LRBA: variants seen among roughly 807,000 people sequenced by gnomAD.
LRBA encodes LPS responsive beige-like anchor protein, also known as lipopolysaccharide-responsive and beige-like anchor protein.
LRBA carries 176 observed loss-of-function variants against 330.0 expected under a neutral mutation model. The observed-to-expected ratio is 0.53, with a 90% CI of 0.47 to 0.60. The LOEUF (loss-of-function observed/expected upper bound fraction) is 0.60, where lower values mean the gene tolerates loss of function less well. Among genes scored for constraint, LRBA ranks in the 20% least tolerant of loss-of-function variants. The probability of loss-of-function intolerance (pLI) is 0.00; values close to 1 mark genes in which losing one functional copy is unlikely to be tolerated. For missense variants in LRBA, 3,259 were observed against 3,444.8 expected (o/e 0.95, Z 1.35); for synonymous variants, 1,230 against 1,193.0 (o/e 1.03, Z -0.64).
At chr4:150,267,484 GA>G (rs1453029087) in intron 56 of LRBA, among the ~76,000 whole-genome samples, 4 of 151,946 alleles carry the variant, frequency 2.6e-5, no homozygotes, top group Non-Finnish European at 2.9e-5. Flanking sequence ...AAATGAAAAG[GA>G]AATACAACAA....
At chr4:150,506,003 T>C (rs1401083642) in intron 40 of LRBA, among the ~76,000 whole-genome samples, 3 of 152,162 alleles carry the variant, frequency 2.0e-5, no homozygotes, top group Non-Finnish European at 4.4e-5. Context: ...CCTCGACACA[T>C]ACATCCTCCC....
At chr4:150,531,456 C>T (rs914752155) in intron 40 of LRBA, among the ~76,000 whole-genome samples, 2 of 152,184 alleles carry the variant, frequency 1.3e-5, no homozygotes, top group African/African-American at 4.8e-5. Context: ...ATTGAAGAGA[C>T]ATTATTGCTT....
At chr4:150,775,479 ACACACACAC>A (rs1737161815) in intron 34 of LRBA, among the ~76,000 whole-genome samples, 2 of 151,230 alleles carry the variant, frequency 1.3e-5, no homozygotes, top group Admixed American at 1.3e-4. Flanking sequence ...ACACACACAC[ACACACACAC>A]ACACACACAC....
intron 40 of LRBA, among the ~76,000 whole-genome samples, chr4:150,515,042 T>C (rs1000820756): frequency 1.3e-5 from 2 of 152,194 alleles, no homozygotes; most frequent in African/African-American, 4.8e-5. Flanking sequence ...CCATAATTCA[T>C]TTATTAAGCC....
intron 35 of LRBA, among the ~76,000 whole-genome samples, chr4:150,759,229 T>C (rs894044810): frequency 6.6e-6 from 1 of 152,164 alleles, no homozygotes; most frequent in Non-Finnish European, 1.5e-5. Flanking sequence ...AGTGATCTTT[T>C]TAATCCATAA....
intron 36 of LRBA, among the ~76,000 whole-genome samples, chr4:150,722,281 C>CT (rs1326482909): frequency 6.6e-6 from 1 of 152,038 alleles, no homozygotes; most frequent in African/African-American, 2.4e-5. Context: ...CATGGAAGAA[C>CT]TTTAAGTTTA....
intron 22 of LRBA, among the ~76,000 whole-genome samples, chr4:150,863,675 T>C (rs1449797295): frequency 4.6e-5 from 7 of 152,162 alleles, no homozygotes; most frequent in Non-Finnish European, 1.5e-5. Flanking sequence ...CTTACACAGC[T>C]AATAATTACT....
intron 40 of LRBA, among the ~76,000 whole-genome samples, chr4:150,531,982 T>A (rs1366013355): frequency 1.3e-5 from 2 of 152,200 alleles, no homozygotes; most frequent in African/African-American, 4.8e-5. Flanking sequence ...CTTGTTAGTT[T>A]TAGCTCAGTT....
intron 2 of LRBA, among the ~76,000 whole-genome samples, chr4:150,971,173 T>C (rs957932133): frequency 1.3e-5 from 2 of 152,268 alleles, no homozygotes; most frequent in Admixed American, 1.3e-4. Flanking sequence ...GTATTAGTTA[T>C]GGTTGCTACT....
At chr4:150,424,298 A>G (rs182124426) in intron 46 of LRBA, among the ~76,000 whole-genome samples, 23 of 152,346 alleles carry the variant, frequency 1.5e-4, no homozygotes, top group Middle Eastern at 3.4e-3. Flanking sequence ...AAAATGGCAT[A>G]TAACAAAACC....
In LRBA at chr4:150,996,916, G is replaced by A. The variant is rs116033697; in HGVS notation, c.216+17511C>T. On this transcript the variant is annotated intron_variant, in intron 2 of 56. Transcript: ENST00000651943. ...GTACTGCCCCATGGAGTTGTTACAT[G>A]GAAAAAATAAAATAATCCCGTAAAA... is the stretch of plus-strand genomic sequence containing the variant. 4.1e-3 allele frequency among the ~76,000 whole-genome samples: 622 copies of A among 152,080 alleles called. 6 individuals are homozygous for A. Among genetic ancestry groups the A allele is most frequent in the African/African-American group, 0.014 (596 of 41,510 alleles).
chr4:150,860,966 T>A (rs932037240), intron 22 of LRBA, among the ~76,000 whole-genome samples: 1 of 152,220 alleles, frequency 6.6e-6, no homozygotes, highest in Non-Finnish European at 1.5e-5. Flanking sequence ...TATCACCTAC[T>A]ATATACCTAG....
intron 5 of LRBA, 92 bp from the exon 6 acceptor site, chr4:150,916,830 G>T: frequency 2.1e-6 from 2 of 965,862 alleles, no homozygotes; most frequent in South Asian, 2.1e-5. Flanking sequence ...ACATATATTT[G>T]TACTACATCA....
At position 150,896,374 on chromosome 4, in the gene LRBA, A is replaced by C. The variant is rs1284557147; in HGVS notation, c.2067+20T>G. On this transcript the variant is annotated intron_variant, in intron 16 of 56. Transcript: ENST00000651943. Reference sequence around the variant, plus strand: ...TAGCTTCAAAAATTAAAATTTCAAAATATAAAATTCATATATTACCTCATG... The same window carrying C: ...TAGCTTCAAAAATTAAAATTTCAAACTATAAAATTCATATATTACCTCATG... 7.6e-7 allele frequency: 1 copy of C among 1,323,668 alleles called. No homozygotes were observed. The highest frequency in any genetic ancestry group is 1.1e-6 in the Non-Finnish European group (1 of 946,990). The allele number at this position is 1,323,668 out of a possible 1,614,324, so 82.0% of individuals were successfully genotyped here.
rs372401756 is a variant in LRBA at position 150,963,935 on chromosome 4, T to C, written c.217-34870A>G. Among the ~76,000 whole-genome samples, 5 of 133,928 alleles carry C rather than the reference T, an allele frequency of 3.7e-5. No individual in the cohort carries two copies. In the East Asian group the frequency reaches 6.8e-4, roughly 18 times the overall value. The allele number at this position is 133,928 out of a possible 152,430, so 87.9% of individuals were successfully genotyped here. ...GCCGCCCCGTCTGGGATGTGAAGAG[T>C]GCCTCTGCCCTGCCGCGACCCCGTC... is the stretch of plus-strand genomic sequence containing the variant. On this transcript the variant is annotated intron_variant, in intron 2 of 56. Coordinates refer to ENST00000651943, the MANE Select transcript of LRBA (RefSeq NM_001364905.1).
intron 44 of LRBA, among the ~76,000 whole-genome samples, chr4:150,448,983 C>T (rs1161527629): frequency 1.3e-5 from 2 of 151,902 alleles, no homozygotes; most frequent in East Asian, 1.9e-4. Flanking sequence ...AGAGAGAATA[C>T]GACTGAGGCA....
At chr4:150,773,574 C>T (rs1482899847) in intron 34 of LRBA, among the ~76,000 whole-genome samples, 2 of 152,228 alleles carry the variant, frequency 1.3e-5, no homozygotes, top group Admixed American at 6.5e-5. Flanking sequence ...GAAATTACCA[C>T]ACCTGTGTCA....
intron 31 of LRBA, among the ~76,000 whole-genome samples, chr4:150,815,204 T>C (rs1733135444): frequency 6.6e-6 from 1 of 151,934 alleles, no homozygotes; most frequent in South Asian, 2.1e-4. Flanking sequence ...TTCATAGATA[T>C]TAATAACTAT....
chr4:150,330,434 T>A (rs1481167118), intron 48 of LRBA, among the ~76,000 whole-genome samples: 1 of 152,220 alleles, frequency 6.6e-6, no homozygotes, highest in East Asian at 1.9e-4. Context: ...AACTACACTA[T>A]AAGGCACTGG....
Sources: allele counts gnomAD v4.1 joint callset (sites outside exome capture counted in the v4.1 genomes callset), GRCh38; gene constraint gnomAD v4.1.1; transcripts MANE v1.5; gene names NCBI Gene and HGNC (gene_info 2026-07-23, HGNC 2026-07-21).